The following DTNA variants were observed in gnomAD, a reference collection of about 807,000 sequenced individuals.
The protein encoded by DTNA is dystrobrevin alpha, also known as dystrophin-related protein 3.
Under a neutral mutation model 100.7 loss-of-function variants are expected in DTNA, and 43 were observed. The observed-to-expected ratio is 0.43, with a 90% CI of 0.33 to 0.55. DTNA has a LOEUF of 0.55. DTNA is among the 20% of genes least tolerant of loss of function. The pLI is 0.04. For missense variants in DTNA, 798 were observed against 953.9 expected (o/e 0.84, Z 2.15); for synonymous variants, 349 against 347.9 (o/e 1.00, Z -0.04).
intron 1 of DTNA, among the ~76,000 whole-genome samples, chr18:34,500,557 C>T (rs780907226): frequency 8.6e-5 from 13 of 151,302 alleles, no homozygotes; most frequent in Non-Finnish European, 1.3e-4. Context: ...TCCGCCTCCC[C>T]GATTCAAGCA....
chr18:34,828,125 G>T (rs552946654), intron 10 of DTNA, among the ~76,000 whole-genome samples: 4 of 152,306 alleles, frequency 2.6e-5, no homozygotes, highest in African/African-American at 9.6e-5. Flanking sequence ...CCTGAGGCTA[G>T]AGGATAAAGA....
chr18:34,611,073 A>G (rs12327353), intron 1 of DTNA, among the ~76,000 whole-genome samples: 9,987 of 152,206 alleles, frequency 0.066, 401 homozygotes, highest in Non-Finnish European at 0.074. Context: ...AGATTATTTT[A>G]TTTCTTGTAT....
At chr18:34,661,425 G>C (rs941317641) in intron 1 of DTNA, among the ~76,000 whole-genome samples, 2 of 152,054 alleles carry the variant, frequency 1.3e-5, no homozygotes, top group Non-Finnish European at 2.9e-5. Flanking sequence ...TCTTTTCCTG[G>C]TGATGAGGTC....
At chr18:34,524,638 C>A (rs1407945908) in intron 1 of DTNA, among the ~76,000 whole-genome samples, 1 of 152,052 alleles carries the variant, frequency 6.6e-6, no homozygotes. Context: ...TTGGACAGAG[C>A]AAAATTATTT....
chr18:34,855,881 C>T lies in DTNA; in HGVS notation c.1533-2404C>T, dbSNP rs374540200. 1.3e-4 allele frequency among the ~76,000 whole-genome samples: 20 copies of T among 152,250 alleles called. No individual in the cohort carries two copies. The East Asian group carries it at 1.9e-3, about 15-fold the overall frequency. ...CTTCCACTCGGGCATGGGGGTAACA[C>T]ATTTGAGGGGAAAGCAGGACTTCTT... is the stretch of plus-strand genomic sequence containing the variant. On this transcript the variant is annotated intron_variant, in intron 15 of 22. Coordinates refer to ENST00000444659, the MANE Select transcript of DTNA (RefSeq NM_001386795.1).
At chr18:34,504,356 C>G (rs2040271885) in intron 1 of DTNA, among the ~76,000 whole-genome samples, 1 of 152,108 alleles carries the variant, frequency 6.6e-6, no homozygotes, top group Admixed American at 6.5e-5. Context: ...CCACATCAGA[C>G]AGTGTTATAA....
intron 1 of DTNA, among the ~76,000 whole-genome samples, chr18:34,655,278 A>C (rs563206192): frequency 1.3e-5 from 2 of 152,088 alleles, no homozygotes; most frequent in Non-Finnish European, 1.5e-5. Context: ...TCTCTCTTAC[A>C]TAATTGGTGT....
At chr18:34,732,262 T>C (rs1434360318) in intron 1 of DTNA, among the ~76,000 whole-genome samples, 1 of 152,248 alleles carries the variant, frequency 6.6e-6, no homozygotes, top group African/African-American at 2.4e-5. Context: ...GATTGCCTAC[T>C]AATCTAACTT....
chr18:34,777,535 CCTGAGA>C (rs2094120786), intron 3 of DTNA, among the ~76,000 whole-genome samples: 1 of 152,160 alleles, frequency 6.6e-6, no homozygotes, highest in African/African-American at 2.4e-5. Context: ...AAAGAACTTC[CCTGAGA>C]CTGGGTAGTT....
At chr18:34,642,626 TC>T (rs1009865535) in intron 1 of DTNA, among the ~76,000 whole-genome samples, 8 of 151,996 alleles carry the variant, frequency 5.3e-5, no homozygotes, top group African/African-American at 1.9e-4. Context: ...TGGCGCGATC[TC>T]GGCTCACTGC....
At chr18:34,796,234 C>T (rs1318259091) in intron 4 of DTNA, among the ~76,000 whole-genome samples, 1 of 152,196 alleles carries the variant, frequency 6.6e-6, no homozygotes, top group Non-Finnish European at 1.5e-5. Flanking sequence ...GTCCTACTGA[C>T]ACTCAAATTT....
chr18:34,659,457 C>A lies in DTNA; in HGVS notation c.-1-96519C>A, dbSNP rs2074860622. On this transcript the variant is annotated intron_variant, in intron 1 of 19. Coordinates refer to the DTNA transcript ENST00000283365. ...AATAGCCACATGTAGCCAATGACTA[C>A]TGGACTGTACAGCCCAGGTATAAGG... Among the ~76,000 whole-genome samples the A allele has an allele frequency of 4.6e-5, 7 of 152,168 alleles. No homozygotes were observed. In the South Asian group the frequency reaches 1.4e-3, roughly 32 times the overall value.
chr18:34,854,656 C>T (rs1568787682), intron 15 of DTNA, among the ~76,000 whole-genome samples: 1 of 152,210 alleles, frequency 6.6e-6, no homozygotes, highest in Non-Finnish European at 1.5e-5. Flanking sequence ...TTCTACCAGA[C>T]ATCATTCCAT....
chr18:34,794,875 A>G (rs945371578), intron 4 of DTNA, among the ~76,000 whole-genome samples: 5 of 152,180 alleles, frequency 3.3e-5, no homozygotes, highest in Admixed American at 6.5e-5. Flanking sequence ...GTTCGTCCAC[A>G]TATCTCATTT....
At chr18:34,701,402 T>C (rs1357687558) in intron 1 of DTNA, among the ~76,000 whole-genome samples, 1 of 152,146 alleles carries the variant, frequency 6.6e-6, no homozygotes, top group East Asian at 1.9e-4. Flanking sequence ...TTCCCTTGTT[T>C]TCAAGTCCAT....
intron 6 of DTNA, among the ~76,000 whole-genome samples, chr18:34,814,530 A>T (rs2095553909): frequency 6.6e-6 from 1 of 152,030 alleles, no homozygotes; most frequent in Admixed American, 6.6e-5. Context: ...GAAAAAAAAA[A>T]AAAATTAAAC....
At chr18:34,515,862 G>A (rs1306579878) in intron 1 of DTNA, among the ~76,000 whole-genome samples, 2 of 152,082 alleles carry the variant, frequency 1.3e-5, no homozygotes, top group Admixed American at 1.3e-4. Context: ...TTAGGATCAT[G>A]ACGTGCTTGT....
At chr18:34,534,101 C>G (rs941554477) in intron 1 of DTNA, among the ~76,000 whole-genome samples, 4 of 152,058 alleles carry the variant, frequency 2.6e-5, no homozygotes, top group Non-Finnish European at 5.9e-5. Flanking sequence ...AATCCCAGCA[C>G]TTTGGGAGTC....
chr18:34,646,682 A>G (rs548011678), intron 1 of DTNA, among the ~76,000 whole-genome samples: 2 of 152,096 alleles, frequency 1.3e-5, no homozygotes, highest in Non-Finnish European at 2.9e-5. Context: ...ATCTGAAGCT[A>G]CTAGTTTTAT....
Sources: gnomAD v4.1 joint callset for allele counts (sites outside exome capture counted in the v4.1 genomes callset) on GRCh38, gnomAD v4.1.1 for gene constraint, MANE v1.5 for transcripts, NCBI Gene and HGNC (gene_info 2026-07-23, HGNC 2026-07-21) for gene names.